WDR7: variants seen among roughly 807,000 people sequenced by gnomAD.
WDR7 encodes WD repeat domain 7.
Under a neutral mutation model 169.4 loss-of-function variants are expected in WDR7, and 46 were observed. The observed-to-expected ratio is 0.27, with a 90% CI of 0.21 to 0.35. The LOEUF (loss-of-function observed/expected upper bound fraction) is 0.35. Among genes scored for constraint, WDR7 ranks in the 10% least tolerant of loss-of-function variants. The pLI, the probability that WDR7 is intolerant of heterozygous loss-of-function variation, is 1.00. For missense variants in WDR7, 1,534 were observed against 1,859.3 expected (o/e 0.83, Z 3.22); for synonymous variants, 612 against 666.8 (o/e 0.92, Z 1.27).
intron 25 of WDR7, among the ~76,000 whole-genome samples, chr18:56,946,743 C>T (rs755861503): frequency 2.6e-5 from 4 of 151,958 alleles, no homozygotes; most frequent in Non-Finnish European, 4.4e-5. Flanking sequence ...ATGAAATACA[C>T]GGTTTTATTT....
intron 26 of WDR7, among the ~76,000 whole-genome samples, chr18:56,994,950 C>A (rs1417192385): frequency 6.6e-6 from 1 of 152,154 alleles, no homozygotes; most frequent in Non-Finnish European, 1.5e-5. Flanking sequence ...TGGTGCATTT[C>A]TCACGTGAAT....
intron 21 of WDR7, among the ~76,000 whole-genome samples, chr18:56,901,107 T>G (rs1256630204): frequency 1.3e-5 from 2 of 152,178 alleles, no homozygotes; most frequent in Non-Finnish European, 2.9e-5. Context: ...TTCTTTATAA[T>G]GCTAATCATG....
chr18:56,910,396 G>A (rs1239206848), intron 21 of WDR7, among the ~76,000 whole-genome samples: 4 of 152,170 alleles, frequency 2.6e-5, no homozygotes, highest in Non-Finnish European at 5.9e-5. Flanking sequence ...TGAAGATTAT[G>A]CAGACTCAAA....
At chr18:56,790,654 G>T (rs1279211348) in intron 19 of WDR7, among the ~76,000 whole-genome samples, 2 of 151,500 alleles carry the variant, frequency 1.3e-5, no homozygotes, top group East Asian at 3.9e-4. Context: ...TTTTTTTGTG[G>T]GGGAAGTATG....
rs1431057868 is a variant in WDR7 at position 56,913,205 on chromosome 18, G to A, written c.3527-10717G>A. Among the ~76,000 whole-genome samples the A allele has an allele frequency of 2.6e-5, 4 of 151,868 alleles. No individual in the cohort carries two copies. The East Asian group carries it at 5.8e-4, about 22-fold the overall frequency. ...TAATTCTAGTGCTGGTTTCTGTATTGGTCTCCAGATTTGTGTATCCAGTGA... is the reference window on the plus strand; with the variant it reads ...TAATTCTAGTGCTGGTTTCTGTATTAGTCTCCAGATTTGTGTATCCAGTGA... On this transcript the variant is annotated intron_variant, in intron 21 of 27. Transcript: ENST00000254442.
chr18:56,822,131 G>A (rs1050309671), intron 20 of WDR7, among the ~76,000 whole-genome samples: 4 of 152,124 alleles, frequency 2.6e-5, no homozygotes, highest in African/African-American at 9.7e-5. Flanking sequence ...TCTAAATTTA[G>A]ACCAAGAGAT....
chr18:56,744,628 G>A (rs2043674902), intron 14 of WDR7, among the ~76,000 whole-genome samples: 1 of 152,158 alleles, frequency 6.6e-6, no homozygotes. Context: ...GGGCCTGAAT[G>A]CCCCATGATA....
chr18:56,866,432 C>T (rs1258560763), intron 20 of WDR7, among the ~76,000 whole-genome samples: 1 of 151,628 alleles, frequency 6.6e-6, no homozygotes, highest in East Asian at 1.9e-4. Flanking sequence ...ATATGAATCA[C>T]CTTAAGTAAA....
intron 14 of WDR7, among the ~76,000 whole-genome samples, chr18:56,738,831 G>A (rs1325637211): frequency 3.7e-5 from 2 of 54,122 alleles, no homozygotes; most frequent in Non-Finnish European, 7.5e-5. Flanking sequence ...TTTGCAAAAT[G>A]TGTTGTTTAA....
At chr18:57,003,023 A>C (rs921349495) in intron 26 of WDR7, among the ~76,000 whole-genome samples, 1 of 152,174 alleles carries the variant, frequency 6.6e-6, no homozygotes, top group African/African-American at 2.4e-5. Context: ...AATTTTATAC[A>C]ACATTTATGT....
rs535550389 is a variant in WDR7, at chr18:56,745,562, A to G, written c.1990-11021A>G. Among the ~76,000 whole-genome samples the G allele has an allele frequency of 2.6e-5, 4 of 152,268 alleles. No homozygotes were observed. In the South Asian group the frequency reaches 8.3e-4, roughly 32 times the overall value. ...AGGGTTTTCACTCCTATGAGAAGCT[A>G]ATGCCACTGCTGATATGACAGGAGG... On this transcript the variant is annotated intron_variant, in intron 14 of 27. Transcript: ENST00000254442.
chr18:56,912,572 A>G lies in WDR7; in HGVS notation c.3527-11350A>G, dbSNP rs564832069. On this transcript the variant is annotated intron_variant, in intron 21 of 27. Coordinates refer to ENST00000254442, the MANE Select transcript of WDR7 (RefSeq NM_015285.3). ...ACCAGGCTTTCCTGCCTTTCACCCT[A>G]CTAAAATCTTTTTGTGAGGTTACCA... Among the ~76,000 whole-genome samples, 7 of 152,238 alleles carry G rather than the reference A, an allele frequency of 4.6e-5. No individual in the cohort carries two copies. In the South Asian group the frequency reaches 8.3e-4, roughly 18 times the overall value.
intron 20 of WDR7, among the ~76,000 whole-genome samples, chr18:56,852,299 G>A (rs1314452176): frequency 1.3e-5 from 2 of 152,152 alleles, no homozygotes; most frequent in African/African-American, 2.4e-5. Flanking sequence ...GAAGCCAAAG[G>A]AAACTTGATC....
chr18:57,015,375 C>T (rs1456373668), intron 26 of WDR7, among the ~76,000 whole-genome samples: 2 of 152,104 alleles, frequency 1.3e-5, no homozygotes. Context: ...AATTTGTTTC[C>T]TTGAGCAGAT....
At position 57,026,836 on chromosome 18, in the gene WDR7, C is replaced by T. The variant is rs1261974611; in HGVS notation, c.4270-168C>T. ...TGCATTTACCATAACAGCATCGGAA[C>T]AATTCCAAGCACACTGAAAGGAACT... On this transcript the variant is annotated intron_variant, in intron 27 of 27. Transcript: ENST00000254442. Among the ~76,000 whole-genome samples, 4 of 152,154 alleles carry T rather than the reference C, an allele frequency of 2.6e-5. No individual in the cohort carries two copies. In the South Asian group the frequency reaches 8.3e-4, roughly 32 times the overall value.
chr18:56,865,574 G>T (rs1443767222), intron 20 of WDR7, among the ~76,000 whole-genome samples: 1 of 152,118 alleles, frequency 6.6e-6, no homozygotes, highest in Non-Finnish European at 1.5e-5. Flanking sequence ...GAAGGTTTAT[G>T]TAGAGAAATT....
intron 19 of WDR7, among the ~76,000 whole-genome samples, chr18:56,800,422 T>C (rs1338959702): frequency 1.3e-5 from 2 of 152,232 alleles, no homozygotes. Context: ...TGTGCTTACT[T>C]AGTTTTCTCT....
chr18:56,912,580 C>A (rs532276333), intron 21 of WDR7, among the ~76,000 whole-genome samples: 1 of 152,298 alleles, frequency 6.6e-6, no homozygotes, highest in African/African-American at 2.4e-5. Context: ...CTACTAAAAT[C>A]TTTTTGTGAG....
chr18:56,779,656 C>A, intron 18 of WDR7, 107 bp downstream of exon 18: 1 of 812,996 alleles, frequency 1.2e-6, no homozygotes, highest in African/African-American at 1.8e-5. Context: ...ATCATCTGTT[C>A]ATTATGTGAT....
Sources: gnomAD v4.1 joint callset for allele counts (sites outside exome capture counted in the v4.1 genomes callset) on GRCh38, gnomAD v4.1.1 for gene constraint, MANE v1.5 for transcripts, NCBI Gene and HGNC (gene_info 2026-07-23, HGNC 2026-07-21) for gene names.